Variants in NECTIN2 observed in about 807,000 individuals in gnomAD.
NECTIN2 encodes nectin-2.
NECTIN2 carries 23 observed loss-of-function variants against 56.9 expected under a neutral mutation model. The observed-to-expected ratio is 0.40, with a 90% CI of 0.29 to 0.57. The LOEUF is 0.57. Among genes scored for constraint, NECTIN2 ranks in the 20% least tolerant of loss-of-function variants. The pLI, the probability that NECTIN2 is intolerant of heterozygous loss-of-function variation, is 0.38. For missense variants in NECTIN2, 587 were observed against 718.3 expected, an observed-to-expected ratio of 0.82 and a Z score of 2.09; for synonymous variants, 302 against 313.8, an observed-to-expected ratio of 0.96 and a Z score of 0.40.
rs2122684219 is a variant in NECTIN2, at chr19:44,871,861, A to G, written c.487A>G (p.Lys163Glu). The part of the protein sequence containing the change: ...MTWLRVIAKP[K>E]NQAEAQKVTF... Reference sequence around the variant, plus strand: ...TCTCCTCCTCTCCCCAGCCAAGCCCAAGAACCAAGCTGAGGCCCAGAAGGT... The same window carrying G: ...TCTCCTCCTCTCCCCAGCCAAGCCCGAGAACCAAGCTGAGGCCCAGAAGGT... Residue 163 changes from lysine (K) to glutamate (E), a missense_variant, in exon 3 of 9, where the codon AAG becomes GAG. By Grantham distance (56) the Lys-to-Glu change is moderately conservative. Transcript: ENST00000252483. 6.2e-7 allele frequency: 1 copy of G among 1,612,072 alleles called. No individual in the cohort carries two copies. Among genetic ancestry groups the G allele is most frequent in the Non-Finnish European group, 8.5e-7 (1 of 1,178,260 alleles).
intron 6 of NECTIN2, among the ~76,000 whole-genome samples, chr19:44,885,262 C>T (rs1222042164): frequency 8.0e-5 from 12 of 150,780 alleles, no homozygotes; most frequent in East Asian, 3.9e-4. Flanking sequence ...TCCCAAAGTG[C>T]TGGGATTACA....
intron 1 of NECTIN2, among the ~76,000 whole-genome samples, chr19:44,853,219 C>T (rs1406384146): frequency 4.0e-5 from 6 of 151,760 alleles, no homozygotes; most frequent in African/African-American, 9.7e-5. Flanking sequence ...TTTTTTCAGA[C>T]GGAGTCTCCC....
At chr19:44,885,849 A>T in intron 6 of NECTIN2, 88 bp from the exon 7 acceptor site, 2 of 1,071,758 alleles carry the variant, frequency 1.9e-6, no homozygotes, top group Non-Finnish European at 2.9e-6. Flanking sequence ...AGGGAGACCC[A>T]GGTAGAGGGA....
At chr19:44,878,889 C>CCAG (rs1969276392) in intron 5 of NECTIN2, 1 of 1,281,982 alleles carries the variant, frequency 7.8e-7, no homozygotes, top group Non-Finnish European at 9.8e-7. Context: ...CTCCAGCCTT[C>CCAG]CCCTGGCCCC....
chr19:44,883,235 C>G (rs997419854), intron 6 of NECTIN2, among the ~76,000 whole-genome samples: 25 of 152,110 alleles, frequency 1.6e-4, no homozygotes, highest in African/African-American at 5.8e-4. Context: ...CAGGGTGGGT[C>G]AGGCAGGGTG....
chr19:44,869,205 G>A (rs1028986984), intron 2 of NECTIN2, among the ~76,000 whole-genome samples: 3 of 152,036 alleles, frequency 2.0e-5, no homozygotes, highest in African/African-American at 7.3e-5. Flanking sequence ...GGGCACGGTG[G>A]CTCACACCTG....
Position 44,874,739 on chromosome 19 carries a change from T to A in NECTIN2, c.1042+261T>A. The A allele has an allele frequency of 2.1e-6, 1 of 470,828 alleles. No individual in the cohort carries two copies. Among genetic ancestry groups the A allele is most frequent in the Non-Finnish European group, 3.9e-6 (1 of 255,924 alleles). The allele number at this position is 470,828 out of a possible 1,614,324, so 29.2% of individuals were successfully genotyped here. A position where few individuals can be genotyped will look rare whatever the true frequency, so the allele number is the denominator to read the frequency against. ...TCGGGGTTCCTAGAAAGTAGAGGCC[T>A]GGGTAGGGTCCTCACGAATAGACCC... On this transcript the variant is annotated intron_variant, in intron 5 of 8. Transcript: ENST00000252483. This position sits in a 1 kb window ranked among gnomAD's most constrained non-coding sequence, Gnocchi z 6.3.
intron 3 of NECTIN2, among the ~76,000 whole-genome samples, chr19:44,873,253 C>T (rs2122687945): frequency 6.6e-6 from 1 of 152,290 alleles, no homozygotes; most frequent in South Asian, 2.1e-4. Flanking sequence ...TGCAACAGCT[C>T]CCCTGAGCCT....
At chr19:44,881,036 AGTGCTG>A (rs1296077791) in intron 5 of NECTIN2, among the ~76,000 whole-genome samples, 1 of 151,888 alleles carries the variant, frequency 6.6e-6, no homozygotes, top group Non-Finnish European at 1.5e-5. Flanking sequence ...GGCCTCCCAA[AGTGCTG>A]GGATTACAGG....
chr19:44,850,104 G>A (rs759012347), intron 1 of NECTIN2, among the ~76,000 whole-genome samples: 10 of 152,160 alleles, frequency 6.6e-5, no homozygotes, highest in South Asian at 4.1e-4. Flanking sequence ...GGAGGCTGAC[G>A]CAGGAGAATC....
Position 44,885,851 on chromosome 19 carries a change from G to A in NECTIN2, c.1197-86G>A. 2.7e-6 allele frequency: 3 copies of A among 1,110,450 alleles called. No homozygotes were observed. The South Asian group carries it at 3.7e-5, about 14-fold the overall frequency. The allele number at this position is 1,110,450 out of a possible 1,614,324, so 68.8% of individuals were successfully genotyped here. A position where few individuals can be genotyped will look rare whatever the true frequency, so the allele number is the denominator to read the frequency against. On this transcript the variant is annotated intron_variant, in intron 6 of 8. Transcript: ENST00000252483. ...GGGGGCAGGGGAAAGGGAGACCCAG[G>A]TAGAGGGAACAGCATGTGCCATAAC...
chr19:44,887,849 G>A (rs956102472), intron 8 of NECTIN2, among the ~76,000 whole-genome samples: 5 of 152,110 alleles, frequency 3.3e-5, no homozygotes, highest in Admixed American at 1.3e-4. Flanking sequence ...GAGGTGAAAG[G>A]TTCATGGGGA....
chr19:44,868,155 G>A (rs1374113160), intron 2 of NECTIN2, among the ~76,000 whole-genome samples: 1 of 151,588 alleles, frequency 6.6e-6, no homozygotes, highest in Non-Finnish European at 1.5e-5. Flanking sequence ...TTGAGGTCAG[G>A]AGTTTCAGAC....
intron 1 of NECTIN2, among the ~76,000 whole-genome samples, chr19:44,848,277 A>G (rs1030118466): frequency 1.3e-5 from 2 of 152,140 alleles, no homozygotes; most frequent in Non-Finnish European, 2.9e-5. Flanking sequence ...AGCTTGGTGC[A>G]TGATCTCACC....
At chr19:44,878,167 C>G (rs995655242) in intron 5 of NECTIN2, 2 of 626,496 alleles carry the variant, frequency 3.2e-6, no homozygotes, top group South Asian at 1.9e-5. Flanking sequence ...GAGCGATCCT[C>G]GTGATCTTGT....
chr19:44,857,279 G>T (rs2122641774), intron 1 of NECTIN2, among the ~76,000 whole-genome samples: 1 of 137,734 alleles, frequency 7.3e-6, no homozygotes, highest in South Asian at 2.3e-4. Flanking sequence ...CTGTCACTCA[G>T]TCTGGAGTGC....
At chr19:44,885,589 G>A (rs576026015) in intron 6 of NECTIN2, among the ~76,000 whole-genome samples, 77 of 152,286 alleles carry the variant, frequency 5.1e-4, no homozygotes, top group Non-Finnish European at 9.6e-4. Flanking sequence ...TGGGATTACA[G>A]GCGTGAGCCA....
chr19:44,851,912 C>G (rs548421076), intron 1 of NECTIN2, among the ~76,000 whole-genome samples: 3 of 152,302 alleles, frequency 2.0e-5, no homozygotes, highest in Non-Finnish European at 2.9e-5. Flanking sequence ...TCACCCCTGT[C>G]CCCTTTACCT....
chr19:44,846,725 C>G, intron 1 of NECTIN2, 112 bp downstream of exon 1: 2 of 1,279,012 alleles, frequency 1.6e-6, no homozygotes, highest in Non-Finnish European at 2.1e-6. Flanking sequence ...CGAGCCCCCT[C>G]TCGCGTGCCC....
Sources: gnomAD v4.1 joint callset for allele counts (sites outside exome capture counted in the v4.1 genomes callset) on GRCh38, gnomAD v4.1.1 for gene constraint, Gnocchi (gnomAD v3.1) non-coding constraint, MANE v1.5 for transcripts, NCBI Gene and HGNC (gene_info 2026-07-23, HGNC 2026-07-21) for gene names.